TXNRD1: variants seen among roughly 807,000 people sequenced by gnomAD.
TXNRD1 encodes the protein thioredoxin reductase 1, also known as thioredoxin reductase 1, cytoplasmic.
TXNRD1 carries 57 observed loss-of-function variants against 80.3 expected under a neutral mutation model. The ratio of observed to expected loss-of-function variants is 0.71; its 90% CI spans 0.57 to 0.89. The LOEUF (loss-of-function observed/expected upper bound fraction) is 0.89, where lower values mean the gene tolerates loss of function less well. TXNRD1 is among the 40% of genes least tolerant of loss of function. The pLI is 0.00. For synonymous variants in TXNRD1, 291 were observed against 285.2 expected, an observed-to-expected ratio of 1.02 and a Z score of -0.20; for missense variants, 730 against 803.0, an observed-to-expected ratio of 0.91 and a Z score of 1.10.
intron 2 of TXNRD1, among the ~76,000 whole-genome samples, chr12:104,255,884 T>A (rs73394563): frequency 0.065 from 9,927 of 152,252 alleles, 437 homozygotes; most frequent in African/African-American, 0.11. Flanking sequence ...TAGATAAACA[T>A]CCCCTGGTTT....
At chr12:104,231,549 C>G (rs1321829245) in intron 1 of TXNRD1, among the ~76,000 whole-genome samples, 2 of 152,204 alleles carry the variant, frequency 1.3e-5, no homozygotes, top group Admixed American at 6.5e-5. Context: ...TTGTAGCCAC[C>G]CGGGGCTGAA....
chr12:104,305,228 C>T (rs1003631224), intron 4 of TXNRD1: 12 of 238,044 alleles, frequency 5.0e-5, no homozygotes, highest in Middle Eastern at 1.5e-3. Context: ...TGATAATTTG[C>T]AAAACATAAT....
At chr12:104,262,427 G>T (rs2033387300) in intron 3 of TXNRD1, 1 of 152,152 alleles carries the variant, frequency 6.6e-6, no homozygotes, top group East Asian at 1.9e-4. Context: ...CGAGGAGCTT[G>T]TAATCATGGA....
chr12:104,311,590 C>T (rs1424951917), intron 5 of TXNRD1, among the ~76,000 whole-genome samples, 178 bp downstream of exon 5: 2 of 152,174 alleles, frequency 1.3e-5, no homozygotes, highest in Non-Finnish European at 2.9e-5. Context: ...AATCATTTTT[C>T]CAGATTAAAA....
rs369301389 is a variant in TXNRD1, at chr12:104,289,047, G to C, written c.414+7G>C. 18 of 1,611,956 alleles carry C rather than the reference G, an allele frequency of 1.1e-5. No individual in the cohort carries two copies. The highest frequency in any genetic ancestry group is 1.4e-5 in the Non-Finnish European group (17 of 1,178,546). ...CCATGGTCCAACCTTGAAGGTAGGA[G>C]AGAGTAACGTATCTTTTTAAACGGG... On this transcript the variant is annotated splice_region_variant and intron_variant, in intron 4 of 16. Transcript: ENST00000525566.
chr12:104,245,906 G>C (rs184817388), intron 1 of TXNRD1, among the ~76,000 whole-genome samples: 11 of 151,738 alleles, frequency 7.2e-5, no homozygotes, highest in Admixed American at 1.3e-4. Flanking sequence ...TCAGGAGTTC[G>C]AGACCAGCCT....
intron 4 of TXNRD1, chr12:104,304,148 G>GA (rs771188404): frequency 1.2e-5 from 19 of 1,614,096 alleles, no homozygotes; most frequent in Non-Finnish European, 1.4e-5. Context: ...GGCTCTGGAG[G>GA]AAGCCAACGT....
At chr12:104,217,262 G>C (rs535560753) in intron 1 of TXNRD1, among the ~76,000 whole-genome samples, 1 of 149,648 alleles carries the variant, frequency 6.7e-6, no homozygotes, top group South Asian at 2.1e-4. Flanking sequence ...TTTTTCTTTA[G>C]CTACATTCTT....
At chr12:104,238,299 T>G (rs12305190) in intron 1 of TXNRD1, among the ~76,000 whole-genome samples, 28,419 of 152,138 alleles carry the variant, frequency 0.19, 2,965 homozygotes, top group African/African-American at 0.28. Flanking sequence ...TAGCTTTTAA[T>G]ATTGTAACAT....
chr12:104,249,763 G>A (rs949508750), intron 1 of TXNRD1, among the ~76,000 whole-genome samples: 7 of 151,698 alleles, frequency 4.6e-5, no homozygotes, highest in Middle Eastern at 3.4e-3. Flanking sequence ...GTGAAACCCC[G>A]TCTCTACTAA....
chr12:104,244,153 C>G (rs959531458), intron 1 of TXNRD1, among the ~76,000 whole-genome samples: 31 of 152,176 alleles, frequency 2.0e-4, no homozygotes, highest in Admixed American at 5.2e-4. Flanking sequence ...GCTCTCTAAG[C>G]AATGTGTAGA....
At chr12:104,329,983 A>C (rs1276772218) in intron 13 of TXNRD1, among the ~76,000 whole-genome samples, 3 of 152,206 alleles carry the variant, frequency 2.0e-5, no homozygotes, top group Non-Finnish European at 4.4e-5. Context: ...TCGATGTCTT[A>C]AAATGTGTTG....
At chr12:104,226,197 T>C (rs2032468849) in intron 1 of TXNRD1, among the ~76,000 whole-genome samples, 1 of 151,834 alleles carries the variant, frequency 6.6e-6, no homozygotes, top group Non-Finnish European at 1.5e-5. Context: ...TGAAACTCTG[T>C]CTCAAAAAAA....
chr12:104,251,002 G>GT (rs1343759020), intron 1 of TXNRD1, among the ~76,000 whole-genome samples: 4 of 152,214 alleles, frequency 2.6e-5, no homozygotes, highest in Admixed American at 1.3e-4. Flanking sequence ...ATAATTCGCA[G>GT]TAAGTATTTT....
intron 3 of TXNRD1, among the ~76,000 whole-genome samples, chr12:104,268,352 A>G (rs2033580094): frequency 7.9e-6 from 1 of 126,330 alleles, no homozygotes; most frequent in Non-Finnish European, 1.7e-5. Context: ...TCTACTAAAA[A>G]TACAAAAAAA....
chr12:104,233,604 C>T (rs1034916029), intron 1 of TXNRD1, among the ~76,000 whole-genome samples: 4 of 152,180 alleles, frequency 2.6e-5, no homozygotes, highest in African/African-American at 7.2e-5. Context: ...TCACTGCAAC[C>T]TCTGCCTCCC....
At chr12:104,273,593 A>G (rs1017424233) in intron 3 of TXNRD1, among the ~76,000 whole-genome samples, 2 of 152,076 alleles carry the variant, frequency 1.3e-5, no homozygotes, top group African/African-American at 4.8e-5. Context: ...AATCCATCTC[A>G]AAAGAACAAA....
At chr12:104,274,609 G>T (rs2033718768) in intron 3 of TXNRD1, among the ~76,000 whole-genome samples, 1 of 151,610 alleles carries the variant, frequency 6.6e-6, no homozygotes, top group African/African-American at 2.4e-5. Flanking sequence ...TGAGGCAGGA[G>T]AATTGCTTGA....
At chr12:104,289,594 T>A (rs1267447932) in intron 4 of TXNRD1, 3 of 152,704 alleles carry the variant, frequency 2.0e-5, no homozygotes, top group African/African-American at 7.2e-5. Flanking sequence ...AAGGAAGAAG[T>A]CTTCCCTTTG....
Sources: allele counts gnomAD v4.1 joint callset (sites outside exome capture counted in the v4.1 genomes callset), GRCh38; gene constraint gnomAD v4.1.1; transcripts MANE v1.5; gene names NCBI Gene and HGNC (gene_info 2026-07-23, HGNC 2026-07-21).